SFSWAP: variants seen among roughly 807,000 people sequenced by gnomAD.
SFSWAP encodes splicing factor, suppressor of white-apricot homolog.
Under a neutral mutation model 100.7 loss-of-function variants are expected in SFSWAP, and 17 were observed. That is an observed-to-expected ratio of 0.17 (90% CI 0.12 to 0.25). SFSWAP has a LOEUF of 0.25. Ranked by LOEUF, SFSWAP falls within the 10% of genes least tolerant of loss-of-function variation. SFSWAP has a pLI of 1.00. For missense variants in SFSWAP, 1,005 were observed against 1,262.6 expected (o/e 0.80, Z 3.09); for synonymous variants, 504 against 510.1 (o/e 0.99, Z 0.16).
At chr12:131,798,986 C>A in intron 16 of SFSWAP, 51 bp from the exon 17 acceptor site, 1 of 1,420,562 alleles carries the variant, frequency 7.0e-7, no homozygotes, top group Non-Finnish European at 1.0e-6. Context: ...CTGGCCTTGG[C>A]TCAGCATCTT....
At chr12:131,741,625 A>C (rs1257580806) in intron 7 of SFSWAP, among the ~76,000 whole-genome samples, 1 of 151,090 alleles carries the variant, frequency 6.6e-6, no homozygotes, top group African/African-American at 2.4e-5. Context: ...CAGCCTGGGC[A>C]ACACAGCGAG....
Position 131,734,755 on chromosome 12 carries a change from C to G in SFSWAP, c.1081+6327C>G, listed in dbSNP as rs1171298063. On this transcript the variant is annotated intron_variant, in intron 7 of 17. Coordinates refer to ENST00000261674, the MANE Select transcript of SFSWAP (RefSeq NM_004592.4). This position sits in a 1 kb window ranked among gnomAD's most constrained non-coding sequence, Gnocchi z 4.9. Reference sequence around the variant, plus strand: ...TGGGAGAAGTCACCTGCACAGGTACCTTGGATCCAACTGACAGGTGAGATG... The same window carrying G: ...TGGGAGAAGTCACCTGCACAGGTACGTTGGATCCAACTGACAGGTGAGATG... 6.6e-6 allele frequency among the ~76,000 whole-genome samples: 1 copy of G among 152,206 alleles called. No homozygotes were observed. Among genetic ancestry groups the G allele is most frequent in the East Asian group, 1.9e-4 (1 of 5,192 alleles).
intron 1 of SFSWAP, chr12:131,713,294 A>T (rs1327041158): frequency 1.3e-5 from 2 of 152,186 alleles, no homozygotes; most frequent in Non-Finnish European, 2.9e-5. Context: ...TGCTCCCATT[A>T]CTTATTTGGC....
rs1884234543 is a variant in SFSWAP, at chr12:131,778,817, T to C, written c.2408+487T>C. The stretch of plus-strand genomic sequence containing the variant: ...ACAGGCCTAAGCCACCGCGCAGGCC[T>C]ATACTTAACTTTTCAAAGTTCATAA... On this transcript the variant is annotated intron_variant, in intron 14 of 17. Coordinates refer to ENST00000261674, the MANE Select transcript of SFSWAP (RefSeq NM_004592.4). This position sits in a 1 kb window ranked among gnomAD's most constrained non-coding sequence, Gnocchi z 4.2. Among the ~76,000 whole-genome samples, 2 of 152,096 alleles carry C rather than the reference T, an allele frequency of 1.3e-5. No homozygotes were observed. The highest frequency in any genetic ancestry group is 3.9e-4 in the East Asian group (2 of 5,134).
In SFSWAP at chr12:131,778,318, T is replaced by C. The variant is rs1884186652; in HGVS notation, c.2396T>C (p.Val799Ala). The change falls in exon 14 of 18, where the codon GTG becomes GCG. Residue 799 changes from valine to alanine, a missense_variant. Coordinates refer to ENST00000261674, the MANE Select transcript of SFSWAP (RefSeq NM_004592.4). The surrounding 1 kb of genome is among the most constrained non-coding windows in gnomAD (Gnocchi z 4.2). ...TCTCTTCCCAGTGCCTATCGGACAGTGCGGCGGTCGAGGTGGGTGTGAAGG... is the reference window on the plus strand; with the variant it reads ...TCTCTTCCCAGTGCCTATCGGACAGCGCGGCGGTCGAGGTGGGTGTGAAGG... The part of the protein sequence containing the change: ...KHSLPSAYRT[V>A]RRSRSRSRSP... The C allele has an allele frequency of 6.2e-7, 1 of 1,612,384 alleles. No individual in the cohort carries two copies. Among genetic ancestry groups the C allele is most frequent in the African/African-American group, 1.3e-5 (1 of 74,862 alleles).
Position 131,753,285 on chromosome 12 carries a change from C to T in SFSWAP, c.1244C>T (p.Pro415Leu), listed in dbSNP as rs370782338. 1.2e-6 allele frequency: 2 copies of T among 1,613,084 alleles called. No homozygotes were observed. The highest frequency in any genetic ancestry group is 1.7e-6 in the Non-Finnish European group (2 of 1,179,082). ...GGAGTGACGACCACCGCCCCACCACCTCCTGGGACCACACCACTACCGCCC... is the reference window on the plus strand; with the variant it reads ...GGAGTGACGACCACCGCCCCACCACTTCCTGGGACCACACCACTACCGCCC... ...SPGVTTTAPP[P>L]PGTTPLPPPT... The change falls in exon 8 of 18, where the codon CCT (proline) becomes CTT (leucine). Residue 415 changes from proline to leucine, a missense_variant. Physicochemically the swap from Pro to Leu is moderately conservative, Grantham distance 98. Transcript: ENST00000261674.
chr12:131,769,936 C>T (rs1019531256), intron 13 of SFSWAP, among the ~76,000 whole-genome samples: 4 of 152,246 alleles, frequency 2.6e-5, no homozygotes, highest in Non-Finnish European at 4.4e-5. Flanking sequence ...TAGAAATGAG[C>T]GTTTAAATCA....
At position 131,714,211 on chromosome 12, in the gene SFSWAP, C is replaced by T. The variant is rs1877673066; in HGVS notation, c.359C>T (p.Thr120Met). 1.2e-6 allele frequency: 2 copies of T among 1,613,462 alleles called. No homozygotes were observed. The highest frequency in any genetic ancestry group is 1.7e-5 in the Admixed American group (1 of 59,970). Reference protein sequence around the residue: ...CDEERYLALHTDLLEEEARQE... With the variant: ...CDEERYLALHMDLLEEEARQE... ...GAAGAGAGGTATTTAGCCTTGCATACGGACTTGCTTGAGGAGGAGGCAAGG... is the reference window on the plus strand; with the variant it reads ...GAAGAGAGGTATTTAGCCTTGCATATGGACTTGCTTGAGGAGGAGGCAAGG... The change falls in exon 2 of 18, where the codon ACG becomes ATG. Residue 120 changes from threonine (T) to methionine (M), a missense_variant. Physicochemically the swap from Thr to Met is moderately conservative, Grantham distance 81 (BLOSUM62 -1). Transcript: ENST00000261674. The surrounding 1 kb of genome is among the most constrained non-coding windows in gnomAD (Gnocchi z 6.0).
At chr12:131,792,789 G>T (rs142644936) in intron 15 of SFSWAP, among the ~76,000 whole-genome samples, 2 of 152,226 alleles carry the variant, frequency 1.3e-5, no homozygotes, top group Admixed American at 1.3e-4. Context: ...ACAAGTTGAC[G>T]CAGAGATGCA....
chr12:131,797,121 T>G lies in SFSWAP; in HGVS notation c.2535-57T>G, dbSNP rs775471115. 17 of 1,523,004 alleles carry G rather than the reference T, an allele frequency of 1.1e-5. No individual in the cohort carries two copies. The Middle Eastern group carries it at 5.1e-4, about 46-fold the overall frequency. The allele number at this position is 1,523,004 out of a possible 1,614,324, so 94.3% of individuals were successfully genotyped here. ...ACTGGCTCAGATCCGAGCTTCTCCC[T>G]TTGTGCCCTGCCTTTAAACCAAAGC... is the stretch of plus-strand genomic sequence containing the variant. On this transcript the variant is annotated intron_variant, in intron 15 of 17. Coordinates refer to ENST00000261674, the MANE Select transcript of SFSWAP (RefSeq NM_004592.4).
intron 15 of SFSWAP, among the ~76,000 whole-genome samples, chr12:131,788,829 G>A (rs761143625): frequency 6.6e-5 from 10 of 152,142 alleles, no homozygotes; most frequent in South Asian, 6.2e-4. Flanking sequence ...CAGCCAGCCC[G>A]TGTCCCTGTC....
At chr12:131,721,032 G>A (rs763101258) in intron 4 of SFSWAP, among the ~76,000 whole-genome samples, 7 of 152,222 alleles carry the variant, frequency 4.6e-5, no homozygotes, top group African/African-American at 7.2e-5. Context: ...ATGGCGGAAG[G>A]TGAGGAGGGA....
chr12:131,711,812 A>G lies in SFSWAP; in HGVS notation c.218+365A>G. 4.1e-6 allele frequency: 1 copy of G among 243,722 alleles called. No individual in the cohort carries two copies. The highest frequency in any genetic ancestry group is 1.1e-4 in the East Asian group (1 of 9,224). 15.1% of individuals were successfully genotyped at this position (243,722 alleles called of 1,614,324 possible). On this transcript the variant is annotated intron_variant, in intron 1 of 17. Transcript: ENST00000261674. The surrounding 1 kb of genome is among the most constrained non-coding windows in gnomAD (Gnocchi z 4.9). ...CCTGGGCCTGCCGCCCGGCGATGCC[A>G]TGGGGTCGTGCGCTGCTTTTCTACT...
In SFSWAP at chr12:131,754,519, A is replaced by G. The variant is rs1566030175; in HGVS notation, c.1454+20A>G. The G allele has an allele frequency of 2.0e-6, 3 of 1,505,546 alleles. No homozygotes were observed. Among genetic ancestry groups the G allele is most frequent in the South Asian group, 1.2e-5 (1 of 80,370 alleles). The allele number at this position is 1,505,546 out of a possible 1,614,324, so 93.3% of individuals were successfully genotyped here. A position where few individuals can be genotyped will look rare whatever the true frequency, so the allele number is the denominator to read the frequency against. ...TCAAAGGTCAGAAGAAGAATTTTAT[A>G]TGTTAGGTATATGGCATTTGGGGGT... On this transcript the variant is annotated intron_variant, in intron 9 of 17. Coordinates refer to ENST00000261674, the MANE Select transcript of SFSWAP (RefSeq NM_004592.4).
At chr12:131,762,064 T>G (rs1882719627) in intron 11 of SFSWAP, among the ~76,000 whole-genome samples, 1 of 152,070 alleles carries the variant, frequency 6.6e-6, no homozygotes, top group African/African-American at 2.4e-5. Flanking sequence ...GAAACCCATC[T>G]CTACTAAAAA....
intron 7 of SFSWAP, among the ~76,000 whole-genome samples, chr12:131,735,131 C>T (rs1042847859): frequency 6.6e-6 from 1 of 152,178 alleles, no homozygotes; most frequent in African/African-American, 2.4e-5. Context: ...GTATCTGGGT[C>T]TGGGGGACAA....
Position 131,711,578 on chromosome 12 carries a change from C to T in SFSWAP, c.218+131C>T. 1.4e-6 allele frequency: 1 copy of T among 709,842 alleles called. No homozygotes were observed. Among genetic ancestry groups the T allele is most frequent in the South Asian group, 1.8e-5 (1 of 56,716 alleles). 44.0% of individuals were successfully genotyped at this position (709,842 alleles called of 1,614,324 possible). A position where few individuals can be genotyped will look rare whatever the true frequency, so the allele number is the denominator to read the frequency against. ...GGGGATCTGGGGGACACCCCCTCCC[C>T]TGTCCCCACCTCCTCCTGGTGTTCT... is the stretch of plus-strand genomic sequence containing the variant. On this transcript the variant is annotated intron_variant, in intron 1 of 17. Transcript: ENST00000261674. The surrounding 1 kb of genome is among the most constrained non-coding windows in gnomAD (Gnocchi z 4.9).
chr12:131,753,098 A>C (rs1881803969), intron 7 of SFSWAP, 25 bp from the exon 8 acceptor site: 2 of 1,612,712 alleles, frequency 1.2e-6, no homozygotes, highest in South Asian at 2.2e-5. Flanking sequence ...GGCCATGCTC[A>C]CTCCGGGGCA....
intron 7 of SFSWAP, among the ~76,000 whole-genome samples, chr12:131,747,141 A>G (rs1593142395): frequency 1.4e-5 from 2 of 147,596 alleles, no homozygotes; most frequent in African/African-American, 2.5e-5. Context: ...GCTCGTTACC[A>G]TTCTCTCCTG....
Sources: allele counts gnomAD v4.1 joint callset (sites outside exome capture counted in the v4.1 genomes callset), GRCh38; gene constraint gnomAD v4.1.1; non-coding constraint Gnocchi (gnomAD v3.1); transcripts MANE v1.5; gene names NCBI Gene and HGNC (gene_info 2026-07-23, HGNC 2026-07-21).